Variants in DGKI observed in about 807,000 individuals in gnomAD.
DGKI encodes DAG kinase iota.
In DGKI, 55 loss-of-function variants were observed where a neutral mutation model predicts 147.5. That is an observed-to-expected ratio of 0.37 (90% CI 0.30 to 0.47). The LOEUF (loss-of-function observed/expected upper bound fraction) is 0.47. Ranked by LOEUF, DGKI falls within the 20% of genes least tolerant of loss-of-function variation. The pLI is 1.00. For synonymous variants in DGKI, 469 were observed against 477.1 expected (o/e 0.98, Z 0.22); for missense variants, 1,007 against 1,323.8 (o/e 0.76, Z 3.71).
At chr7:137,567,919 G>C (rs527553173) in intron 19 of DGKI, among the ~76,000 whole-genome samples, 1 of 152,102 alleles carries the variant, frequency 6.6e-6, no homozygotes, top group Non-Finnish European at 1.5e-5. Flanking sequence ...TCTAGGATTT[G>C]CTCCAGAATA....
intron 1 of DGKI, among the ~76,000 whole-genome samples, chr7:137,816,261 T>C (rs756300159): frequency 8.5e-5 from 13 of 152,206 alleles, no homozygotes; most frequent in Admixed American, 2.6e-4. Flanking sequence ...CAAGATCACC[T>C]TGGGCAATTT....
intron 20 of DGKI, among the ~76,000 whole-genome samples, chr7:137,544,705 A>AATCAATC (rs1436196568): frequency 6.6e-6 from 1 of 152,170 alleles, no homozygotes; most frequent in African/African-American, 2.4e-5. Context: ...CAAGAAAACC[A>AATCAATC]ATCAATCATT....
intron 1 of DGKI, among the ~76,000 whole-genome samples, chr7:137,712,851 T>C (rs1418384304): frequency 1.3e-5 from 2 of 152,236 alleles, no homozygotes; most frequent in African/African-American, 4.8e-5. Flanking sequence ...TTTCTCCAAG[T>C]AATTCCAAAG....
At chr7:137,546,853 T>A (rs140450016) in intron 20 of DGKI, among the ~76,000 whole-genome samples, 15 of 152,344 alleles carry the variant, frequency 9.8e-5, no homozygotes, top group Admixed American at 2.6e-4. Context: ...CCCAAGACTC[T>A]CTCTGTCTGT....
At chr7:137,470,551 T>A (rs145632691) in intron 23 of DGKI, among the ~76,000 whole-genome samples, 1,819 of 152,270 alleles carry the variant, frequency 0.012, 30 homozygotes, top group African/African-American at 0.041. Flanking sequence ...TCTATTTTTT[T>A]AATTTTTATT....
At chr7:137,600,112 C>T (rs1585272068) in intron 10 of DGKI, among the ~76,000 whole-genome samples, 1 of 152,044 alleles carries the variant, frequency 6.6e-6, no homozygotes, top group East Asian at 1.9e-4. Flanking sequence ...GACAAAATCC[C>T]GTCTCTACAA....
chr7:137,502,039 T>C (rs1366161364), intron 21 of DGKI, among the ~76,000 whole-genome samples: 1 of 152,194 alleles, frequency 6.6e-6, no homozygotes, highest in Admixed American at 6.5e-5. Flanking sequence ...ACATAAGATG[T>C]GACTTGCTCC....
intron 1 of DGKI, among the ~76,000 whole-genome samples, chr7:137,690,900 G>T (rs1245276614): frequency 3.3e-5 from 5 of 152,168 alleles, no homozygotes; most frequent in African/African-American, 1.2e-4. Context: ...GGGATCATCA[G>T]GAACCGTGGA....
intron 1 of DGKI, among the ~76,000 whole-genome samples, chr7:137,717,129 G>A (rs997205348): frequency 3.9e-5 from 6 of 152,174 alleles, no homozygotes; most frequent in African/African-American, 1.4e-4. Context: ...ATAGAAGGTG[G>A]CCAATAGTAC....
At chr7:137,485,958 G>A (rs977726370) in intron 22 of DGKI, among the ~76,000 whole-genome samples, 13 of 152,014 alleles carry the variant, frequency 8.6e-5, no homozygotes, top group African/African-American at 3.1e-4. Context: ...AAATTAACAG[G>A]GTTGAAATTA....
At chr7:137,793,306 T>G (rs1029047030) in intron 1 of DGKI, among the ~76,000 whole-genome samples, 7 of 140,284 alleles carry the variant, frequency 5.0e-5, no homozygotes, top group Admixed American at 6.9e-5. Flanking sequence ...GCCTTTTTTT[T>G]GTTTTTTTTT....
chr7:137,433,516 C>T (rs866135815), intron 28 of DGKI, among the ~76,000 whole-genome samples: 1 of 152,200 alleles, frequency 6.6e-6, no homozygotes, highest in East Asian at 1.9e-4. Flanking sequence ...ATTAGCCTCA[C>T]ATGAGAATTA....
chr7:137,556,106 T>C (rs1818214587), intron 19 of DGKI, among the ~76,000 whole-genome samples: 1 of 152,080 alleles, frequency 6.6e-6, no homozygotes, highest in Non-Finnish European at 1.5e-5. Flanking sequence ...ACATTAATTA[T>C]TTAAATGAGA....
At chr7:137,539,059 C>T (rs1201246837) in intron 20 of DGKI, among the ~76,000 whole-genome samples, 2 of 152,060 alleles carry the variant, frequency 1.3e-5, no homozygotes, top group African/African-American at 2.4e-5. Context: ...TTTTTTCCCC[C>T]CTCCATTTTC....
intron 23 of DGKI, among the ~76,000 whole-genome samples, chr7:137,483,511 T>C (rs977948896): frequency 3.5e-4 from 54 of 152,238 alleles, no homozygotes; most frequent in African/African-American, 1.3e-3. Context: ...GGTAAACATG[T>C]GCCATGGTGG....
intron 1 of DGKI, chr7:137,722,052 T>C (rs1794572100): frequency 7.5e-6 from 12 of 1,595,446 alleles, no homozygotes; most frequent in East Asian, 2.2e-5. Flanking sequence ...AGAAGGCTGA[T>C]GCTGGTGGCA....
intron 21 of DGKI, among the ~76,000 whole-genome samples, chr7:137,516,554 A>G (rs943817238): frequency 6.6e-6 from 1 of 151,954 alleles, no homozygotes; most frequent in African/African-American, 2.4e-5. Context: ...CACATTTTTT[A>G]AAAAAAGAAA....
chr7:137,422,050 A>G (rs1361030588), intron 28 of DGKI, among the ~76,000 whole-genome samples: 1 of 152,202 alleles, frequency 6.6e-6, no homozygotes, highest in Non-Finnish European at 1.5e-5. Context: ...CAACTATCTC[A>G]TGAGATCAGA....
chr7:137,541,371 G>A lies in DGKI; in HGVS notation c.2147+10998C>T, dbSNP rs187231290. On this transcript the variant is annotated intron_variant, in intron 20 of 32. Transcript: ENST00000614521. ...AAAATAGAATGGTTTTGTCTATACC[G>A]AACATGTACAGACTATTTATCTCAT... is the stretch of plus-strand genomic sequence containing the variant. Among the ~76,000 whole-genome samples, 946 of 152,262 alleles carry A rather than the reference G, an allele frequency of 6.2e-3. 8 individuals carry two copies. Among genetic ancestry groups the A allele is most frequent in the Middle Eastern group, 0.017 (5 of 294 alleles).
Sources: allele counts gnomAD v4.1 joint callset (sites outside exome capture counted in the v4.1 genomes callset), GRCh38; gene constraint gnomAD v4.1.1; transcripts MANE v1.5; gene names NCBI Gene and HGNC (gene_info 2026-07-23, HGNC 2026-07-21).